Variants in RAB33A observed in about 807,000 individuals in gnomAD.
RAB33A encodes ras-related protein Rab-33A.
RAB33A carries 6 observed loss-of-function variants against 12.0 expected under a neutral mutation model. The observed-to-expected ratio is 0.50, with a 90% CI of 0.27 to 0.99. The LOEUF is 0.99. RAB33A is among the 50% of genes least tolerant of loss of function. RAB33A has a pLI of 0.11. For synonymous variants in RAB33A, 70 were observed against 82.4 expected (o/e 0.85, Z 0.81); for missense variants, 109 against 192.0 (o/e 0.57, Z 2.55).
At chrX:130,136,926 C>T in the RAB33A span, 7 of 1,114,200 alleles carry the variant, frequency 6.3e-6, no homozygotes, top group African/African-American at 1.1e-4. Flanking sequence ...ATTCAGAACA[C>T]CTAGATGAAC....
the RAB33A span, among the ~76,000 whole-genome samples, chrX:130,120,844 A>G: frequency 1.2e-4 from 14 of 112,729 alleles, no homozygotes; most frequent in African/African-American, 4.2e-4. Flanking sequence ...CCACCCGCCC[A>G]GCAGTGCGCC....
chrX:130,150,326 CTTTTTTTT>C, the RAB33A span, among the ~76,000 whole-genome samples: 2 of 61,648 alleles, frequency 3.2e-5, no homozygotes, highest in Non-Finnish European at 6.2e-5. Flanking sequence ...TTATTGGAGA[CTTTTTTTT>C]TTTTTTTTTT....
chrX:130,159,451 A>T, the RAB33A span, among the ~76,000 whole-genome samples: 2 of 111,921 alleles, frequency 1.8e-5, no homozygotes, highest in African/African-American at 6.5e-5. Context: ...TGATTTTCAG[A>T]AGCTTACAAA....
Position 130,172,266 on chromosome X carries a change from C to T in RAB33A, c.204C>T (p.Thr68=), listed in dbSNP as rs2031617988. The T allele has an allele frequency of 1.7e-6, 2 of 1,210,598 alleles. No individual in the cohort carries two copies. Among genetic ancestry groups the T allele is most frequent in the African/African-American group, 3.5e-5 (2 of 57,465 alleles). ...CCTTCCCAGACAAGACTGAAGCCAC[C>T]ATCGGCGTGGACTTCAGGGAGAAGA... is the stretch of plus-strand genomic sequence containing the variant. ...GGTFPDKTEA[T]IGVDFREKTV... The change falls in exon 1 of 2, where the codon ACC becomes ACT. Residue 68 remains threonine (T), a synonymous_variant. Coordinates refer to ENST00000257017, the MANE Select transcript of RAB33A (RefSeq NM_004794.3).
At chrX:130,153,242 C>A in the RAB33A span, among the ~76,000 whole-genome samples, 1 of 104,290 alleles carries the variant, frequency 9.6e-6, no homozygotes, top group African/African-American at 3.5e-5. Context: ...CCCAGCTACT[C>A]CTCGGGAGGC....
At chrX:130,154,951 T>C in the RAB33A span, among the ~76,000 whole-genome samples, 1 of 112,592 alleles carries the variant, frequency 8.9e-6, no homozygotes, top group Non-Finnish European at 1.9e-5. Flanking sequence ...ATTAGACTTG[T>C]GGCTTTAGCT....
chrX:130,136,280 C>G, the RAB33A span: 2 of 1,050,729 alleles, frequency 1.9e-6, no homozygotes, highest in African/African-American at 3.7e-5. Flanking sequence ...AGAATTGGGA[C>G]TTTAAAAAAT....
chrX:130,170,377 A>G (rs1198293716), upstream of RAB33A, among the ~76,000 whole-genome samples: 1 of 112,518 alleles, frequency 8.9e-6, no homozygotes, highest in Admixed American at 9.4e-5. Flanking sequence ...GTGCTGTTTG[A>G]ATCCCTGACC....
chrX:130,181,065 T>C (rs1426931724), intron 1 of RAB33A, among the ~76,000 whole-genome samples: 2 of 90,487 alleles, frequency 2.2e-5, no homozygotes, highest in Non-Finnish European at 4.2e-5. Flanking sequence ...CAGGAGACCC[T>C]GCAATGGAAA....
chrX:130,179,313 A>C (rs2031697261), intron 1 of RAB33A, among the ~76,000 whole-genome samples: 1 of 111,932 alleles, frequency 8.9e-6, no homozygotes, highest in Non-Finnish European at 1.9e-5. Flanking sequence ...CAAATGGCCA[A>C]CCTCACTCAG....
the RAB33A span, chrX:130,140,673 G>T: frequency 1.1e-6 from 1 of 910,409 alleles, no homozygotes; most frequent in Non-Finnish European, 1.6e-6. Flanking sequence ...CATTGAAAAA[G>T]TTTTATTGAG....
intron 1 of RAB33A, among the ~76,000 whole-genome samples, chrX:130,174,882 C>T (rs2031648767): frequency 9.0e-6 from 1 of 110,592 alleles, no homozygotes; most frequent in Non-Finnish European, 1.9e-5. Flanking sequence ...TATTGAAGCC[C>T]CATTTGCTGT....
the RAB33A span, among the ~76,000 whole-genome samples, chrX:130,141,851 A>C: frequency 2.7e-5 from 3 of 111,894 alleles, no homozygotes; most frequent in African/African-American, 9.8e-5. Flanking sequence ...GCTTTCGCTC[A>C]GTCTGTCTCC....
the RAB33A span, among the ~76,000 whole-genome samples, chrX:130,132,983 G>A: frequency 2.7e-5 from 3 of 111,200 alleles, no homozygotes; most frequent in African/African-American, 9.8e-5. Flanking sequence ...CTGGCCTCGT[G>A]ATCCGCCCAC....
chrX:130,149,715 TAAGA>T, the RAB33A span: 4 of 488,404 alleles, frequency 8.2e-6, no homozygotes, highest in East Asian at 3.7e-5. Flanking sequence ...GTTGTTTTCT[TAAGA>T]AATAAAAAAT....
At chrX:130,156,608 GA>G in the RAB33A span, 1 of 1,209,687 alleles carries the variant, frequency 8.3e-7, no homozygotes, top group Non-Finnish European at 1.1e-6. Context: ...AGTTGCCTAA[GA>G]AACATAATTT....
chrX:130,138,298 T>C, the RAB33A span, among the ~76,000 whole-genome samples: 3 of 110,095 alleles, frequency 2.7e-5, no homozygotes, highest in East Asian at 5.7e-4. Context: ...ACCCCATCTC[T>C]ACTAAAAATA....
chrX:130,131,568 G>C, the RAB33A span: 1 of 1,066,650 alleles, frequency 9.4e-7, no homozygotes, highest in South Asian at 1.9e-5. Context: ...CATGAAGAGA[G>C]GCTTTCACTG....
At chrX:130,127,366 G>T in the RAB33A span, among the ~76,000 whole-genome samples, 4 of 111,119 alleles carry the variant, frequency 3.6e-5, no homozygotes, top group Non-Finnish European at 7.5e-5. Context: ...CGGACACCAG[G>T]AGGTCCTTAA....
Sources: gnomAD v4.1 joint callset for allele counts (sites outside exome capture counted in the v4.1 genomes callset) on GRCh38, gnomAD v4.1.1 for gene constraint, MANE v1.5 for transcripts, NCBI Gene and HGNC (gene_info 2026-07-23, HGNC 2026-07-21) for gene names.